The following PLCG2 variants were observed in gnomAD, a reference collection of about 807,000 sequenced individuals.
PLCG2 encodes the protein phospholipase C gamma 2.
A neutral mutation model predicts 175.6 loss-of-function variants in PLCG2; 69 were observed. That is an observed-to-expected ratio of 0.39 (90% CI 0.32 to 0.48). The LOEUF (loss-of-function observed/expected upper bound fraction) is 0.48. PLCG2 is among the 20% of genes least tolerant of loss of function. The pLI is 0.91. For synonymous variants in PLCG2, 827 were observed against 624.0 expected (o/e 1.33, Z -4.85); for missense variants, 1,798 against 1,650.9 (o/e 1.09, Z -1.54).
chr16:81,882,231 C>A (rs1289005337), intron 8 of PLCG2, among the ~76,000 whole-genome samples: 1 of 152,224 alleles, frequency 6.6e-6, no homozygotes, highest in African/African-American at 2.4e-5. Context: ...CTCGTGCTGG[C>A]CCAGTGAGGC....
chr16:81,741,291 A>G (rs1370826150), intron 1 of PLCG2, among the ~76,000 whole-genome samples: 2 of 152,214 alleles, frequency 1.3e-5, no homozygotes, highest in Non-Finnish European at 2.9e-5. Context: ...AGATGAGGAA[A>G]CTATAGCTCA....
rs75472618 is a variant in PLCG2, at chr16:81,908,570, A to T, written c.1712A>T (p.Asn571Ile). 1 of 1,611,790 alleles carries T rather than the reference A, an allele frequency of 6.2e-7. No homozygotes were observed. Among genetic ancestry groups the T allele is most frequent in the South Asian group, 1.1e-5 (1 of 90,844 alleles). The change falls in exon 17 of 33, where the codon AAT becomes ATT. Residue 571 changes from asparagine to isoleucine, a missense_variant. Asn to Ile is a moderately radical substitution (Grantham distance 149, BLOSUM62 -3). Coordinates refer to ENST00000564138, the MANE Select transcript of PLCG2 (RefSeq NM_002661.5). ...FLVRESETFP[N>I]DYTLSFWRSG... ...GTTCGGGAGAGCGAGACCTTCCCCA[A>T]TGACTACACCCTGTCCTTCTGGTAA...
chr16:81,961,542 A>T lies in PLCG2; in HGVS notation c.*3544A>T, dbSNP rs1279826873. 1 of 218,970 alleles carries T rather than the reference A, an allele frequency of 4.6e-6. No individual in the cohort carries two copies. Among genetic ancestry groups the T allele is most frequent in the Non-Finnish European group, 9.1e-6 (1 of 109,292 alleles). 13.6% of individuals were successfully genotyped at this position (218,970 alleles called of 1,614,324 possible). Reference sequence around the variant, plus strand: ...AGAGATAGAATTAAATAACATAAAAATCAAAAATTTATTAGGCTAAAATTT... The same window carrying T: ...AGAGATAGAATTAAATAACATAAAATTCAAAAATTTATTAGGCTAAAATTT... On this transcript the variant is annotated 3_prime_UTR_variant, in exon 33 of 33. Coordinates refer to ENST00000564138, the MANE Select transcript of PLCG2 (RefSeq NM_002661.5).
intron 14 of PLCG2, among the ~76,000 whole-genome samples, chr16:81,903,123 AT>A (rs2143637138): frequency 6.6e-6 from 1 of 152,304 alleles, no homozygotes. Flanking sequence ...GTTTCAACAT[AT>A]AAATTTTGGG....
intron 2 of PLCG2, among the ~76,000 whole-genome samples, chr16:81,798,120 C>A (rs887158757): frequency 6.6e-6 from 1 of 152,060 alleles, no homozygotes; most frequent in East Asian, 1.9e-4. Context: ...TGTGAGTCAC[C>A]GCGCCTGGCC....
At chr16:81,786,214 C>T (rs369426093) in intron 2 of PLCG2, 32 bp downstream of exon 2, 35 of 1,591,902 alleles carry the variant, frequency 2.2e-5, no homozygotes, top group East Asian at 2.0e-4. Context: ...CAGTGTGGCC[C>T]GTCCTCTGGG....
At chr16:81,900,106 G>GTA (rs1909081229) in intron 13 of PLCG2, among the ~76,000 whole-genome samples, 1 of 28,418 alleles carries the variant, frequency 3.5e-5, no homozygotes, top group East Asian at 0.038. Context: ...ATGTATGCAT[G>GTA]CACACATGCA....
chr16:81,938,001 G>T, intron 28 of PLCG2, 98 bp downstream of exon 28: 1 of 1,152,904 alleles, frequency 8.7e-7, no homozygotes, highest in Non-Finnish European at 1.2e-6. Context: ...GTCTAGGGAG[G>T]CTGGTTGTCT....
chr16:81,889,437 T>C (rs1908529376), intron 10 of PLCG2, 164 bp downstream of exon 10: 1 of 559,650 alleles, frequency 1.8e-6, no homozygotes, highest in South Asian at 2.3e-5. Flanking sequence ...CTTTTCTTTT[T>C]TCTCCCAGGT....
chr16:81,901,542 G>A (rs541177643), intron 14 of PLCG2, among the ~76,000 whole-genome samples: 1 of 152,230 alleles, frequency 6.6e-6, no homozygotes, highest in East Asian at 1.9e-4. Context: ...ACAGACCCCC[G>A]AAGAATCCAC....
intron 7 of PLCG2, among the ~76,000 whole-genome samples, chr16:81,880,064 A>T (rs1478217744): frequency 1.3e-5 from 2 of 152,182 alleles, no homozygotes; most frequent in Admixed American, 1.3e-4. Context: ...ACATAGTAAG[A>T]CCTGCATCTC....
chr16:81,871,546 T>C (rs918109065), intron 7 of PLCG2, among the ~76,000 whole-genome samples: 1 of 152,058 alleles, frequency 6.6e-6, no homozygotes, highest in Non-Finnish European at 1.5e-5. Flanking sequence ...CCGCATTGGG[T>C]GGGCAGGTCT....
intron 2 of PLCG2, among the ~76,000 whole-genome samples, chr16:81,769,312 CCT>C (rs1910221711): frequency 6.6e-6 from 1 of 152,194 alleles, no homozygotes; most frequent in South Asian, 2.1e-4. Context: ...GGGTTTCTTC[CCT>C]GTTGTTTCAG....
At chr16:81,919,210 G>T (rs1909962266) in intron 19 of PLCG2, among the ~76,000 whole-genome samples, 2 of 152,218 alleles carry the variant, frequency 1.3e-5, no homozygotes, top group Non-Finnish European at 2.9e-5. Flanking sequence ...CTAAAGTCAA[G>T]TCCTGTAGTT....
At chr16:81,876,976 G>A (rs1043606003) in intron 7 of PLCG2, among the ~76,000 whole-genome samples, 2 of 152,162 alleles carry the variant, frequency 1.3e-5, no homozygotes, top group African/African-American at 4.8e-5. Flanking sequence ...CTGGCCCTTG[G>A]ACTTGTTAGG....
chr16:81,894,051 C>T (rs1381454745), intron 12 of PLCG2, among the ~76,000 whole-genome samples: 2 of 150,860 alleles, frequency 1.3e-5, no homozygotes, highest in African/African-American at 4.9e-5. Flanking sequence ...CAAACAGACA[C>T]CCGCTGTGTT....
chr16:81,865,287 C>T (rs1385620006), intron 5 of PLCG2, among the ~76,000 whole-genome samples: 31 of 152,116 alleles, frequency 2.0e-4, no homozygotes. Flanking sequence ...GAGCCGTTGG[C>T]TTCCTCCCCT....
At position 81,858,301 on chromosome 16, in the gene PLCG2, T is replaced by A. The variant is rs762411936; in HGVS notation, c.376T>A (p.Leu126Met). 1 of 1,614,112 alleles carries A rather than the reference T, an allele frequency of 6.2e-7. No homozygotes were observed. The highest frequency in any genetic ancestry group is 1.1e-5 in the South Asian group (1 of 91,086). ...KEDAVNWLSG[L>M]KILHQEAMNA... is the part of the protein sequence containing the mutation. ...GGATGCAGTTAACTGGCTCTCTGGC[T>A]TGAAAATCTTACACCAGGAAGCGAT... Residue 126 changes from leucine to methionine, a missense_variant, in exon 4 of 33, where the codon TTG (leucine) becomes ATG (methionine). Coordinates refer to ENST00000564138, the MANE Select transcript of PLCG2 (RefSeq NM_002661.5).
intron 2 of PLCG2, among the ~76,000 whole-genome samples, chr16:81,810,947 T>C (rs979740301): frequency 1.3e-5 from 2 of 152,332 alleles, no homozygotes; most frequent in African/African-American, 4.8e-5. Context: ...AGGGAGGTTA[T>C]GCACCTGAGA....
Sources: gnomAD v4.1 joint callset for allele counts (sites outside exome capture counted in the v4.1 genomes callset) on GRCh38, gnomAD v4.1.1 for gene constraint, MANE v1.5 for transcripts, NCBI Gene and HGNC (gene_info 2026-07-23, HGNC 2026-07-21) for gene names.